FOXRED2: variants seen among roughly 807,000 people sequenced by gnomAD.
The protein encoded by FOXRED2 is FAD dependent oxidoreductase domain containing 2.
Under a neutral mutation model 52.5 loss-of-function variants are expected in FOXRED2, and 32 were observed. The observed-to-expected ratio is 0.61, with a 90% confidence interval of 0.46 to 0.82. The LOEUF is 0.82. Ranked by LOEUF, FOXRED2 falls within the 40% of genes least tolerant of loss-of-function variation. FOXRED2 has a pLI of 0.00. For synonymous variants in FOXRED2, 405 were observed against 398.1 expected (o/e 1.02, Z -0.21); for missense variants, 848 against 937.5 (o/e 0.90, Z 1.25).
At chr22:36,502,857 T>G (rs1357512167) in intron 4 of FOXRED2, among the ~76,000 whole-genome samples, 2 of 152,082 alleles carry the variant, frequency 1.3e-5, no homozygotes, top group Non-Finnish European at 2.9e-5. Flanking sequence ...CATGCCTGGC[T>G]AATTTTTTGT....
chr22:36,504,475 G>T, intron 3 of FOXRED2, 40 bp downstream of exon 3: 1 of 1,610,974 alleles, frequency 6.2e-7, no homozygotes, highest in Non-Finnish European at 8.5e-7. Context: ...CCACACTCTG[G>T]GCTCCCAGCA....
At position 36,496,051 on chromosome 22, in the gene FOXRED2, CAT is replaced by C; in HGVS notation, c.1538_1539del (p.Asp513GlyfsTer14). ...FSGPDKDVFF[D>X]DRSVGHTEDA... is the part of the protein sequence containing the mutation. ...TCTTCTGTGTGCCCCACAGACCGGT[CAT>C]CAAAGAAGACGTCCTTGTCGGGGCC... is the stretch of plus-strand genomic sequence containing the variant. On this transcript the variant is annotated frameshift_variant, in exon 7 of 9. Transcript: ENST00000397224. LOFTEE classifies it high-confidence loss of function. The C allele has an allele frequency of 6.2e-7, 1 of 1,614,230 alleles. No individual in the cohort carries two copies. Among genetic ancestry groups the C allele is most frequent in the Non-Finnish European group, 8.5e-7 (1 of 1,180,050 alleles).
At chr22:36,491,159 A>G (rs186582219) in intron 8 of FOXRED2, among the ~76,000 whole-genome samples, 71 of 149,506 alleles carry the variant, frequency 4.7e-4, no homozygotes, top group Non-Finnish European at 9.3e-4. Flanking sequence ...CTCTGTCTCG[A>G]AAAAAAAAAG....
rs754970025 is a variant in FOXRED2, at chr22:36,506,168, G to A, written c.255C>T (p.Tyr85=). Residue 85 remains tyrosine (Y), a synonymous_variant, in exon 2 of 9, where the codon TAC becomes TAT. Transcript: ENST00000397224. ...TGAACTCGGCGTTAGCCTTGCCCGT[G>A]TACCGCTTGTTGATGCTGATGAGCT... ...HRKLISINKR[Y]TGKANAEFNL... 1 of 1,614,260 alleles carries A rather than the reference G, an allele frequency of 6.2e-7. No homozygotes were observed. The highest frequency in any genetic ancestry group is 8.5e-7 in the Non-Finnish European group (1 of 1,180,040).
chr22:36,498,217 G>A (rs763846257), intron 5 of FOXRED2, 61 bp from the exon 6 acceptor site: 919 of 1,554,530 alleles, frequency 5.9e-4, no homozygotes, highest in Non-Finnish European at 7.4e-4. Context: ...TGGTCACTGG[G>A]AGGGATGCCC....
intron 1 of FOXRED2, 31 bp from the exon 2 acceptor site, chr22:36,506,454 AC>A (rs1481969716): frequency 7.1e-7 from 1 of 1,417,336 alleles, no homozygotes; most frequent in Admixed American, 3.0e-5. Flanking sequence ...AAGGCCTCGC[AC>A]CCGGCCCGGC....
intron 7 of FOXRED2, among the ~76,000 whole-genome samples, chr22:36,495,065 C>G (rs1010883472): frequency 6.6e-6 from 1 of 152,210 alleles, no homozygotes; most frequent in Non-Finnish European, 1.5e-5. Flanking sequence ...ATTCTCCTGC[C>G]TCAGCCTCCT....
At chr22:36,493,145 G>C (rs1933799602) in intron 8 of FOXRED2, among the ~76,000 whole-genome samples, 1 of 152,174 alleles carries the variant, frequency 6.6e-6, no homozygotes, top group Admixed American at 6.5e-5. Context: ...TAATCCTTTT[G>C]AAAAGACATA....
chr22:36,497,899 G>T (rs555058803), intron 6 of FOXRED2, 92 bp downstream of exon 6: 5 of 1,368,894 alleles, frequency 3.7e-6, no homozygotes, highest in Non-Finnish European at 5.1e-6. Context: ...GGAAAGAACT[G>T]GGCACCTCAC....
Position 36,487,236 on chromosome 22 carries a change from G to A in FOXRED2, c.*2772C>T, listed in dbSNP as rs1029466617. ...ACTTCTATACAAGAGTGCGTCTCAT[G>A]GATGGTGCAATGGCGAGAGCACACC... On this transcript the variant is annotated 3_prime_UTR_variant, in exon 9 of 9. Coordinates refer to ENST00000397224, the MANE Select transcript of FOXRED2 (RefSeq NM_001102371.2). 1.3e-5 allele frequency: 2 copies of A among 152,232 alleles called. No individual in the cohort carries two copies. The highest frequency in any genetic ancestry group is 2.4e-5 in the African/African-American group (1 of 41,444). The allele number at this position is 152,232 out of a possible 1,614,324, so 9.4% of individuals were successfully genotyped here. A position where few individuals can be genotyped will look rare whatever the true frequency, so the allele number is the denominator to read the frequency against.
chr22:36,498,605 C>G (rs377749127), intron 5 of FOXRED2, among the ~76,000 whole-genome samples: 14 of 152,198 alleles, frequency 9.2e-5, no homozygotes, highest in African/African-American at 2.7e-4. Context: ...AACCTCCCCC[C>G]CTTCACAGCT....
At chr22:36,499,858 A>G (rs1933997490) in intron 5 of FOXRED2, among the ~76,000 whole-genome samples, 1 of 151,996 alleles carries the variant, frequency 6.6e-6, no homozygotes, top group Non-Finnish European at 1.5e-5. Context: ...CTGGAGTGCA[A>G]TGGTGTGGGC....
Position 36,501,332 on chromosome 22 carries a change from T to G in FOXRED2, c.1125A>C (p.Gly375=). The G allele has an allele frequency of 6.2e-7, 1 of 1,614,154 alleles. No individual in the cohort carries two copies. The highest frequency in any genetic ancestry group is 1.1e-5 in the South Asian group (1 of 91,084). ...PLIRASYESK[G]SRGLFILGTA... The stretch of plus-strand genomic sequence containing the variant: ...TACCCAGGATAAACAGACCCCGGCT[T>G]CCTTTGGATTCGTAGCTAGCTCGAA... Residue 375 remains glycine (G), a synonymous_variant, in exon 5 of 9, where the codon GGA becomes GGC. Coordinates refer to ENST00000397224, the MANE Select transcript of FOXRED2 (RefSeq NM_001102371.2).
chr22:36,496,279 G>C, intron 6 of FOXRED2, 71 bp from the exon 7 acceptor site: 20 of 1,582,128 alleles, frequency 1.3e-5, no homozygotes, highest in Non-Finnish European at 1.5e-5. Flanking sequence ...CCGGGGGTGA[G>C]CATGTGTGTG....
At chr22:36,501,496 T>G (rs975878526) in intron 4 of FOXRED2, 89 bp from the exon 5 acceptor site, 1 of 1,201,396 alleles carries the variant, frequency 8.3e-7, no homozygotes, top group Non-Finnish European at 1.2e-6. Flanking sequence ...GTTTCGCTCT[T>G]GTCGCCCAGG....
chr22:36,506,014 C>G lies in FOXRED2; in HGVS notation c.409G>C (p.Gly137Arg). 6.2e-7 allele frequency: 1 copy of G among 1,614,230 alleles called. No individual in the cohort carries two copies. Among genetic ancestry groups the G allele is most frequent in the Non-Finnish European group, 8.5e-7 (1 of 1,180,046 alleles). Residue 137 changes from glycine to arginine, a missense_variant, in exon 2 of 9, where the codon GGG becomes CGG. Physicochemically the swap from Gly to Arg is moderately radical, Grantham distance 125. Coordinates refer to ENST00000397224, the MANE Select transcript of FOXRED2 (RefSeq NM_001102371.2). Reference sequence around the variant, plus strand: ...GTGGTGTTGTACTGGACACGGAGCCCCAGCGTGTCCGCGAAGTCACCCAGG... The same window carrying G: ...GTGGTGTTGTACTGGACACGGAGCCGCAGCGTGTCCGCGAAGTCACCCAGG... ...RYLGDFADTL[G>R]LRVQYNTTIA...
Position 36,496,061 on chromosome 22 carries a change from G to T in FOXRED2, c.1530C>A (p.Val510=), listed in dbSNP as rs182129379. ...GRNFSGPDKD[V]FFDDRSVGHT... Reference sequence around the variant, plus strand: ...GCCCCACAGACCGGTCATCAAAGAAGACGTCCTTGTCGGGGCCAGAGAAAT... The same window carrying T: ...GCCCCACAGACCGGTCATCAAAGAATACGTCCTTGTCGGGGCCAGAGAAAT... Residue 510 remains valine (V), a synonymous_variant, in exon 7 of 9, where the codon GTC becomes GTA. Transcript: ENST00000397224. 6.2e-6 allele frequency: 10 copies of T among 1,614,228 alleles called. No homozygotes were observed. In the Admixed American group the frequency reaches 1.7e-4, roughly 27 times the overall value.
At position 36,498,024 on chromosome 22, in the gene FOXRED2, A is replaced by G. The variant is rs1933947114; in HGVS notation, c.1349T>C (p.Phe450Ser). 6.2e-7 allele frequency: 1 copy of G among 1,614,124 alleles called. No homozygotes were observed. Among genetic ancestry groups the G allele is most frequent in the African/African-American group, 1.3e-5 (1 of 75,038 alleles). ...CAGGATGACATCGGCCAGCACACCG[A>G]ACATCTGGTAGAGCCCAGAAGCCTC... ...VNEASGLYQMFGVLADVILLK... is the reference protein window; with the variant it reads ...VNEASGLYQMSGVLADVILLK... The change falls in exon 6 of 9, where the codon TTC (phenylalanine) becomes TCC (serine). Residue 450 changes from phenylalanine (F) to serine (S), a missense_variant. Coordinates refer to ENST00000397224, the MANE Select transcript of FOXRED2 (RefSeq NM_001102371.2).
chr22:36,495,546 A>G (rs1428504202), intron 7 of FOXRED2, among the ~76,000 whole-genome samples: 1 of 152,142 alleles, frequency 6.6e-6, no homozygotes, highest in African/African-American at 2.4e-5. Flanking sequence ...TGAGGCTCAG[A>G]GAGGTTAAGT....
Sources: gnomAD v4.1 joint callset for allele counts (sites outside exome capture counted in the v4.1 genomes callset) on GRCh38, gnomAD v4.1.1 for gene constraint, MANE v1.5 for transcripts, NCBI Gene and HGNC (gene_info 2026-07-23, HGNC 2026-07-21) for gene names.